SPOCK1: variants seen among roughly 807,000 people sequenced by gnomAD.
The protein encoded by SPOCK1 is testican-1.
Under a neutral mutation model 55.3 loss-of-function variants are expected in SPOCK1, and 23 were observed. The observed-to-expected ratio is 0.42, with a 90% CI of 0.30 to 0.59. The LOEUF is 0.59. SPOCK1 is among the 20% of genes least tolerant of loss of function. SPOCK1 has a pLI of 0.22. For missense variants in SPOCK1, 499 were observed against 552.5 expected (o/e 0.90, Z 0.97); for synonymous variants, 226 against 221.0 (o/e 1.02, Z -0.20).
chr5:137,081,473 T>C (rs1461151514), intron 5 of SPOCK1, among the ~76,000 whole-genome samples: 1 of 152,212 alleles, frequency 6.6e-6, no homozygotes, highest in Non-Finnish European at 1.5e-5. Context: ...AGATCTCACC[T>C]TGGGCTGACA....
intron 3 of SPOCK1, among the ~76,000 whole-genome samples, chr5:137,262,175 T>A (rs1756753853): frequency 6.6e-6 from 1 of 152,210 alleles, no homozygotes; most frequent in South Asian, 2.1e-4. Context: ...TTTATTTTAT[T>A]TTTACAACAG....
At chr5:137,476,008 A>G (rs1753830398) in intron 2 of SPOCK1, among the ~76,000 whole-genome samples, 1 of 149,600 alleles carries the variant, frequency 6.7e-6, no homozygotes, top group Non-Finnish European at 1.5e-5. Flanking sequence ...CTTGGGGTAA[A>G]ATGTTGGGGA....
intron 5 of SPOCK1, among the ~76,000 whole-genome samples, chr5:137,079,928 C>T (rs2127013136): frequency 7.1e-6 from 1 of 140,584 alleles, no homozygotes; most frequent in African/African-American, 2.7e-5. Flanking sequence ...TTCTGGTTTC[C>T]TCTTACCCTC....
intron 2 of SPOCK1, among the ~76,000 whole-genome samples, chr5:137,293,770 A>G (rs1171813682): frequency 1.3e-5 from 2 of 152,018 alleles, no homozygotes; most frequent in Non-Finnish European, 2.9e-5. Flanking sequence ...TAATCCCAGC[A>G]CTTTGGGAGG....
chr5:137,403,047 AT>A (rs1334585463), intron 2 of SPOCK1, among the ~76,000 whole-genome samples: 3 of 152,250 alleles, frequency 2.0e-5, no homozygotes, highest in Non-Finnish European at 4.4e-5. Flanking sequence ...AACTGGAACC[AT>A]CTAAACTTGT....
chr5:137,058,278 G>A (rs1002220643), intron 6 of SPOCK1, among the ~76,000 whole-genome samples: 5 of 152,206 alleles, frequency 3.3e-5, no homozygotes, highest in Non-Finnish European at 4.4e-5. Flanking sequence ...TCCCTGTTCT[G>A]TCATCTATTA....
intron 2 of SPOCK1, among the ~76,000 whole-genome samples, chr5:137,421,046 C>T (rs1334900067): frequency 3.9e-5 from 6 of 152,198 alleles, no homozygotes; most frequent in South Asian, 2.1e-4. Context: ...GCCTTCATTT[C>T]GTTATGTACC....
At chr5:137,310,709 G>A (rs1029640696) in intron 2 of SPOCK1, among the ~76,000 whole-genome samples, 2 of 152,176 alleles carry the variant, frequency 1.3e-5, no homozygotes, top group African/African-American at 4.8e-5. Context: ...TCCAATGGAG[G>A]ATGGACCTCA....
intron 6 of SPOCK1, among the ~76,000 whole-genome samples, chr5:137,006,039 C>A (rs1231360211): frequency 1.3e-5 from 2 of 152,076 alleles, no homozygotes; most frequent in Non-Finnish European, 2.9e-5. Flanking sequence ...ATTTCTGAAG[C>A]CTCTGTTCTG....
intron 2 of SPOCK1, among the ~76,000 whole-genome samples, chr5:137,334,384 T>C (rs1228539973): frequency 6.6e-6 from 1 of 152,126 alleles, no homozygotes; most frequent in African/African-American, 2.4e-5. Context: ...TCCAACAAGA[T>C]GTTTGGGGAG....
intron 3 of SPOCK1, among the ~76,000 whole-genome samples, chr5:137,235,083 A>G (rs1167417492): frequency 2.0e-5 from 3 of 152,206 alleles, no homozygotes; most frequent in Non-Finnish European, 4.4e-5. Flanking sequence ...CCTGGGGACC[A>G]GACATTTGGG....
chr5:137,171,830 A>G lies in SPOCK1; in HGVS notation c.233-31136T>C, dbSNP rs892086403. Among the ~76,000 whole-genome samples the G allele has an allele frequency of 3.3e-5, 5 of 152,282 alleles. 1 individual carries two copies. In the South Asian group the frequency reaches 1.0e-3, roughly 32 times the overall value. On this transcript the variant is annotated intron_variant, in intron 3 of 10. Coordinates refer to ENST00000394945, the MANE Select transcript of SPOCK1 (RefSeq NM_004598.4). ...ATTGCCATTCATATCTGAGAGGGCAACATCAGTATCCTCGTACCTTTCTAA... is the reference window on the plus strand; with the variant it reads ...ATTGCCATTCATATCTGAGAGGGCAGCATCAGTATCCTCGTACCTTTCTAA...
At chr5:137,131,340 C>T (rs760500395) in intron 4 of SPOCK1, among the ~76,000 whole-genome samples, 2 of 152,158 alleles carry the variant, frequency 1.3e-5, no homozygotes, top group African/African-American at 2.4e-5. Flanking sequence ...CCAGGCGTGG[C>T]GGCTCACGCC....
chr5:137,227,874 G>T (rs1486501074), intron 3 of SPOCK1, among the ~76,000 whole-genome samples: 1 of 152,140 alleles, frequency 6.6e-6, no homozygotes, highest in Middle Eastern at 3.4e-3. Context: ...CTATTTCTTG[G>T]GGCCTCATGT....
rs142526562 is a variant in SPOCK1 at position 137,122,234 on chromosome 5, C to T, written c.348-9673G>A. 3.2e-3 allele frequency among the ~76,000 whole-genome samples: 416 copies of T among 130,012 alleles called. 4 individuals carry two copies. The highest frequency in any genetic ancestry group is 0.011 in the African/African-American group (389 of 34,720). 85.3% of individuals were successfully genotyped at this position (130,012 alleles called of 152,430 possible). A position where few individuals can be genotyped will look rare whatever the true frequency, so the allele number is the denominator to read the frequency against. ...GGCCCCTGAGGCCTGCATGCAAAAG[C>T]AGTTATACACACACACACACACGCA... On this transcript the variant is annotated intron_variant, in intron 4 of 10. Transcript: ENST00000394945.
chr5:137,266,266 T>C (rs745714686), intron 3 of SPOCK1, among the ~76,000 whole-genome samples: 1 of 152,210 alleles, frequency 6.6e-6, no homozygotes, highest in Non-Finnish European at 1.5e-5. Context: ...TACTGTTTCA[T>C]TGTGTTTTGG....
chr5:137,404,911 G>A (rs1000876037), intron 2 of SPOCK1, among the ~76,000 whole-genome samples: 6 of 152,160 alleles, frequency 3.9e-5, no homozygotes, highest in Admixed American at 6.5e-5. Context: ...GTGCTTATTA[G>A]TTTTTATGTT....
intron 2 of SPOCK1, among the ~76,000 whole-genome samples, chr5:137,356,131 C>T (rs1162696361): frequency 1.3e-5 from 2 of 152,184 alleles, no homozygotes; most frequent in Non-Finnish European, 2.9e-5. Context: ...GCTCTGCGAC[C>T]TCCTTACACC....
At chr5:137,108,972 C>A (rs1303941238) in intron 5 of SPOCK1, among the ~76,000 whole-genome samples, 2 of 152,196 alleles carry the variant, frequency 1.3e-5, no homozygotes, top group African/African-American at 2.4e-5. Flanking sequence ...ATTTCCCGGG[C>A]AACTGACAGC....
Sources: allele counts gnomAD v4.1 joint callset (sites outside exome capture counted in the v4.1 genomes callset), GRCh38; gene constraint gnomAD v4.1.1; transcripts MANE v1.5; gene names NCBI Gene and HGNC (gene_info 2026-07-23, HGNC 2026-07-21).